The following NALF1 variants were observed in gnomAD, a reference collection of about 807,000 sequenced individuals.
NALF1 encodes the protein NALCN channel auxiliary factor 1, also known as family with sequence similarity 155 member A.
In NALF1, 3 loss-of-function variants were observed where a neutral mutation model predicts 48.4. That is an observed-to-expected ratio of 0.06 (90% CI 0.03 to 0.16). The LOEUF is 0.16. Among genes scored for constraint, NALF1 ranks in the 10% least tolerant of loss-of-function variants. NALF1 has a pLI of 1.00. For synonymous variants in NALF1, 262 were observed against 245.7 expected (o/e 1.07, Z -0.62); for missense variants, 526 against 571.5 (o/e 0.92, Z 0.81).
At chr13:107,810,102 T>A (rs1298547813) in intron 1 of NALF1, among the ~76,000 whole-genome samples, 2 of 152,088 alleles carry the variant, frequency 1.3e-5, no homozygotes, top group Non-Finnish European at 2.9e-5. Flanking sequence ...ATTTTCTACT[T>A]CCTTACCAAT....
intron 1 of NALF1, among the ~76,000 whole-genome samples, chr13:107,292,393 A>G (rs974497298): frequency 6.6e-6 from 1 of 152,252 alleles, no homozygotes; most frequent in Admixed American, 6.5e-5. Flanking sequence ...CTCTTTTGTA[A>G]TAACACTTGG....
At chr13:107,809,800 A>C (rs1412369228) in intron 1 of NALF1, among the ~76,000 whole-genome samples, 1 of 151,980 alleles carries the variant, frequency 6.6e-6, no homozygotes, top group Non-Finnish European at 1.5e-5. Flanking sequence ...CAGAATCCAT[A>C]CTCATGGAAA....
At chr13:107,473,055 G>A (rs538260223) in intron 1 of NALF1, among the ~76,000 whole-genome samples, 1 of 152,234 alleles carries the variant, frequency 6.6e-6, no homozygotes, top group East Asian at 1.9e-4. Context: ...CCTCTTGAAT[G>A]AGCATACTTT....
intron 1 of NALF1, among the ~76,000 whole-genome samples, chr13:107,310,527 T>A (rs1331095317): frequency 6.6e-6 from 1 of 151,976 alleles, no homozygotes; most frequent in Non-Finnish European, 1.5e-5. Context: ...TTTCATTACA[T>A]CAAATATATA....
At chr13:107,669,023 T>G (rs1032174861) in intron 1 of NALF1, among the ~76,000 whole-genome samples, 4 of 152,126 alleles carry the variant, frequency 2.6e-5, no homozygotes, top group African/African-American at 9.7e-5. Flanking sequence ...CTATTAATAC[T>G]TATACACTTT....
chr13:107,530,492 T>C (rs761181901), intron 1 of NALF1, among the ~76,000 whole-genome samples: 1 of 152,124 alleles, frequency 6.6e-6, no homozygotes, highest in Non-Finnish European at 1.5e-5. Context: ...GACATTCCTC[T>C]AAATTTAATA....
chr13:107,300,057 A>G (rs761690843), intron 1 of NALF1, among the ~76,000 whole-genome samples: 3 of 152,174 alleles, frequency 2.0e-5, no homozygotes, highest in Non-Finnish European at 4.4e-5. Flanking sequence ...AATTCCCCTA[A>G]GATTTGCAGG....
chr13:107,288,340 C>T (rs1385600023), intron 1 of NALF1, among the ~76,000 whole-genome samples: 29 of 151,508 alleles, frequency 1.9e-4, no homozygotes, highest in African/African-American at 7.0e-4. Flanking sequence ...CTGCCTCAGC[C>T]TCCCGAGTAG....
intron 1 of NALF1, among the ~76,000 whole-genome samples, chr13:107,840,686 G>A (rs973727512): frequency 2.0e-5 from 3 of 152,136 alleles, no homozygotes; most frequent in Non-Finnish European, 4.4e-5. Context: ...TGTCTATTGG[G>A]AAGCAGTTGT....
At chr13:107,506,417 A>T (rs1269603318) in intron 1 of NALF1, among the ~76,000 whole-genome samples, 1 of 152,188 alleles carries the variant, frequency 6.6e-6, no homozygotes, top group Non-Finnish European at 1.5e-5. Context: ...TATAATTTAC[A>T]TATAATACAG....
chr13:107,235,131 C>A (rs1381698443), intron 1 of NALF1, among the ~76,000 whole-genome samples: 2 of 152,196 alleles, frequency 1.3e-5, no homozygotes, highest in African/African-American at 4.8e-5. Flanking sequence ...AAATGCACCA[C>A]AACACCATTC....
intron 1 of NALF1, among the ~76,000 whole-genome samples, chr13:107,773,848 C>T (rs1019875356): frequency 3.0e-4 from 45 of 151,774 alleles, no homozygotes; most frequent in Admixed American, 3.0e-3. Flanking sequence ...CTGCACATTG[C>T]GCACATGTAC....
intron 1 of NALF1, among the ~76,000 whole-genome samples, chr13:107,273,921 G>A (rs1881225618): frequency 6.6e-6 from 1 of 152,158 alleles, no homozygotes; most frequent in Admixed American, 6.5e-5. Flanking sequence ...CCTGCAGCTT[G>A]CTGGGGAGAG....
chr13:107,681,705 A>C (rs1333897479), intron 1 of NALF1, among the ~76,000 whole-genome samples: 1 of 152,080 alleles, frequency 6.6e-6, no homozygotes, highest in African/African-American at 2.4e-5. Flanking sequence ...CTCTCATCCG[A>C]CGGCTGCAGG....
At chr13:107,201,191 C>T (rs966197191) in intron 2 of NALF1, among the ~76,000 whole-genome samples, 2 of 152,074 alleles carry the variant, frequency 1.3e-5, no homozygotes, top group Admixed American at 1.3e-4. Flanking sequence ...ATCTATCTAT[C>T]TATCTACCCA....
intron 1 of NALF1, among the ~76,000 whole-genome samples, chr13:107,810,684 T>C (rs901666779): frequency 6.6e-6 from 1 of 152,142 alleles, no homozygotes; most frequent in Non-Finnish European, 1.5e-5. Context: ...TAAGCCATCA[T>C]GCTTCTCTAA....
At chr13:107,566,114 A>G (rs974610275) in intron 1 of NALF1, among the ~76,000 whole-genome samples, 1 of 152,200 alleles carries the variant, frequency 6.6e-6, no homozygotes. Flanking sequence ...GTTGAAAGGC[A>G]TTTCTCACCT....
At chr13:107,750,612 C>T (rs568514879) in intron 1 of NALF1, among the ~76,000 whole-genome samples, 4 of 148,736 alleles carry the variant, frequency 2.7e-5, no homozygotes, top group African/African-American at 9.8e-5. Flanking sequence ...AGAAGAGCAA[C>T]AAATGAAACA....
intron 1 of NALF1, among the ~76,000 whole-genome samples, chr13:107,485,708 A>C (rs1257488484): frequency 6.6e-6 from 1 of 152,216 alleles, no homozygotes; most frequent in Non-Finnish European, 1.5e-5. Flanking sequence ...GCTCTACAAG[A>C]AATATAGATG....
Sources: allele counts gnomAD v4.1 joint callset (sites outside exome capture counted in the v4.1 genomes callset), GRCh38; gene constraint gnomAD v4.1.1; transcripts MANE v1.5; gene names NCBI Gene and HGNC (gene_info 2026-07-23, HGNC 2026-07-21).